The following CCSER2 variants were observed in gnomAD, a reference collection of about 807,000 sequenced individuals.
CCSER2 encodes serine-rich coiled-coil domain-containing protein 2.
A neutral mutation model predicts 92.3 loss-of-function variants in CCSER2; 46 were observed. The ratio of observed to expected loss-of-function variants is 0.50; its 90% CI spans 0.39 to 0.64. CCSER2 has a LOEUF of 0.64. Among genes scored for constraint, CCSER2 ranks in the 30% least tolerant of loss-of-function variants. The pLI is 0.00. For missense variants in CCSER2, 1,244 were observed against 1,238.9 expected (o/e 1.00, Z -0.06); for synonymous variants, 433 against 431.4 (o/e 1.00, Z -0.04).
intron 9 of CCSER2, among the ~76,000 whole-genome samples, chr10:84,490,360 G>A (rs368754389): frequency 8.9e-4 from 135 of 152,214 alleles, no homozygotes; most frequent in Middle Eastern, 3.4e-3. Flanking sequence ...CATTCTCCCC[G>A]TCACTTTCAG....
intron 6 of CCSER2, among the ~76,000 whole-genome samples, chr10:84,454,489 GTTTTT>G (rs913278392): frequency 6.6e-6 from 1 of 151,934 alleles, no homozygotes; most frequent in African/African-American, 2.4e-5. Flanking sequence ...TTGGTGTGCA[GTTTTT>G]TTTAAGTGTT....
At chr10:84,513,036 A>G (rs575012662) in intron 9 of CCSER2, among the ~76,000 whole-genome samples, 118 of 152,112 alleles carry the variant, frequency 7.8e-4, no homozygotes, top group Admixed American at 3.5e-3. Flanking sequence ...TTTTTTTTTA[A>G]CTTTAATGTA....
rs932652028 is a variant in CCSER2 at position 84,515,537 on chromosome 10, G to T, written c.*1270G>T. 39 of 152,324 alleles carry T rather than the reference G, an allele frequency of 2.6e-4. No homozygotes were observed. The highest frequency in any genetic ancestry group is 8.7e-4 in the African/African-American group (36 of 41,524). 9.4% of individuals were successfully genotyped at this position (152,324 alleles called of 1,614,324 possible). ...GCTCACTGCAACTTCTGCCTCCCGGGTTCAAGCGATTCTCCTGCCTCAGCC... is the reference window on the plus strand; with the variant it reads ...GCTCACTGCAACTTCTGCCTCCCGGTTTCAAGCGATTCTCCTGCCTCAGCC... On this transcript the variant is annotated 3_prime_UTR_variant, in exon 10 of 10. Transcript: ENST00000372088.
chr10:84,467,805 C>G, intron 7 of CCSER2, among the ~76,000 whole-genome samples: 1 of 152,208 alleles, frequency 6.6e-6, no homozygotes, highest in South Asian at 2.1e-4. Flanking sequence ...GAATGCTCCT[C>G]TGTTCTTTTC....
At chr10:84,363,573 T>C (rs1206599020) in intron 1 of CCSER2, among the ~76,000 whole-genome samples, 1 of 152,162 alleles carries the variant, frequency 6.6e-6, no homozygotes, top group African/African-American at 2.4e-5. Flanking sequence ...AATTTATACC[T>C]TCTAAAAAAC....
chr10:84,449,193 G>A (rs1226694315), intron 6 of CCSER2, among the ~76,000 whole-genome samples: 3 of 152,056 alleles, frequency 2.0e-5, no homozygotes, highest in African/African-American at 7.2e-5. Context: ...TGGCCAAAAT[G>A]GCGAAACCCC....
chr10:84,428,054 C>G (rs1338165544), intron 5 of CCSER2, among the ~76,000 whole-genome samples: 1 of 152,010 alleles, frequency 6.6e-6, no homozygotes, highest in Non-Finnish European at 1.5e-5. Context: ...GGCCCTTAGC[C>G]CACTTTCCCT....
At chr10:84,406,379 A>G (rs548569034) in intron 3 of CCSER2, among the ~76,000 whole-genome samples, 22 of 152,320 alleles carry the variant, frequency 1.4e-4, no homozygotes, top group Non-Finnish European at 2.4e-4. Context: ...TAAAATTTAT[A>G]AACTATACCC....
At chr10:84,347,202 A>G (rs1007245431) in intron 1 of CCSER2, among the ~76,000 whole-genome samples, 9 of 152,318 alleles carry the variant, frequency 5.9e-5, no homozygotes, top group Non-Finnish European at 1.3e-4. Flanking sequence ...CACAGCAACA[A>G]TCTGATTTCT....
intron 9 of CCSER2, among the ~76,000 whole-genome samples, chr10:84,479,203 A>G (rs1346227734): frequency 6.6e-6 from 1 of 152,258 alleles, no homozygotes; most frequent in Non-Finnish European, 1.5e-5. Context: ...TATAAAAGTT[A>G]CTATAGGAAT....
intron 5 of CCSER2, among the ~76,000 whole-genome samples, chr10:84,427,125 G>A (rs1215830909): frequency 3.3e-5 from 5 of 152,234 alleles, no homozygotes; most frequent in Admixed American, 6.5e-5. Flanking sequence ...GGACTATGGT[G>A]TGGATCATCC....
In CCSER2 at chr10:84,514,041, A is replaced by T. The variant is rs1016879823; in HGVS notation, c.2918A>T (p.Asn973Ile). ...PTSSQTNLAN[N>I]QNLKASKLRP... ...TCTAGTCAAACAAATCTTGCAAATA[A>T]TCAGAATCTGAAAGCATCTAAGCTC... is the stretch of plus-strand genomic sequence containing the variant. The change falls in exon 10 of 10, where the codon AAT becomes ATT. Residue 973 changes from asparagine (N) to isoleucine (I), a missense_variant. Transcript: ENST00000372088. The T allele has an allele frequency of 1.3e-6, 2 of 1,536,586 alleles. No individual in the cohort carries two copies. The highest frequency in any genetic ancestry group is 3.9e-5 in the Admixed American group (2 of 51,004).
At chr10:84,427,261 T>C (rs1843484338) in intron 5 of CCSER2, among the ~76,000 whole-genome samples, 1 of 152,210 alleles carries the variant, frequency 6.6e-6, no homozygotes, top group Non-Finnish European at 1.5e-5. Context: ...TGAATGGTTA[T>C]AGATTGATCC....
chr10:84,448,169 T>C (rs1845046253), intron 6 of CCSER2, among the ~76,000 whole-genome samples: 1 of 152,062 alleles, frequency 6.6e-6, no homozygotes, highest in Non-Finnish European at 1.5e-5. Flanking sequence ...GATGCCCTCC[T>C]TACCCATTTT....
chr10:84,334,139 T>A (rs1459927502), intron 1 of CCSER2, among the ~76,000 whole-genome samples: 1 of 152,154 alleles, frequency 6.6e-6, no homozygotes, highest in East Asian at 1.9e-4. Flanking sequence ...AGCACAGACA[T>A]GAGCATGTAG....
chr10:84,432,320 T>C (rs550619733), intron 5 of CCSER2, among the ~76,000 whole-genome samples: 1 of 152,374 alleles, frequency 6.6e-6, no homozygotes, highest in South Asian at 2.1e-4. Flanking sequence ...GGATATATTA[T>C]GTGATACTGA....
At chr10:84,442,174 C>T (rs1185794375) in intron 6 of CCSER2, among the ~76,000 whole-genome samples, 1 of 151,398 alleles carries the variant, frequency 6.6e-6, no homozygotes. Context: ...AAGACAAATT[C>T]AGAAGGTTGG....
intron 9 of CCSER2, among the ~76,000 whole-genome samples, chr10:84,481,957 G>A (rs536045905): frequency 6.6e-6 from 1 of 151,980 alleles, no homozygotes; most frequent in African/African-American, 2.4e-5. Context: ...TGAAGGAAGA[G>A]AATTTTAAAT....
At chr10:84,452,580 G>C (rs539470785) in intron 6 of CCSER2, among the ~76,000 whole-genome samples, 1 of 152,258 alleles carries the variant, frequency 6.6e-6, no homozygotes, top group Admixed American at 6.5e-5. Context: ...AAGCAGTCCA[G>C]AATTCCTAGA....
Sources: allele counts gnomAD v4.1 joint callset (sites outside exome capture counted in the v4.1 genomes callset), GRCh38; gene constraint gnomAD v4.1.1; transcripts MANE v1.5; gene names NCBI Gene and HGNC (gene_info 2026-07-23, HGNC 2026-07-21).